Variants in CNBD1 observed in about 807,000 individuals in gnomAD.
The protein encoded by CNBD1 is cyclic nucleotide-binding domain-containing protein 1.
A neutral mutation model predicts 54.4 loss-of-function variants in CNBD1; 71 were observed. The ratio of observed to expected loss-of-function variants is 1.30; its 90% CI spans 1.08 to 1.59. CNBD1 has a LOEUF of 1.59. Among genes scored for constraint, CNBD1 ranks in the 40% most tolerant of loss-of-function variants. The pLI is 0.00. For synonymous variants in CNBD1, 182 were observed against 170.7 expected (o/e 1.07, Z -0.51); for missense variants, 659 against 518.0 (o/e 1.27, Z -2.64).
At chr8:87,365,878 C>A (rs943469455) in intron 10 of CNBD1, among the ~76,000 whole-genome samples, 2 of 151,980 alleles carry the variant, frequency 1.3e-5, no homozygotes, top group East Asian at 1.9e-4. Context: ...TAATGTCTCC[C>A]ACATTCTTTA....
chr8:87,381,570 A>C (rs1563579370), intron 10 of CNBD1, among the ~76,000 whole-genome samples: 2 of 152,088 alleles, frequency 1.3e-5, no homozygotes, highest in Non-Finnish European at 2.9e-5. Context: ...AGATATTAGC[A>C]GTACCATGTT....
intron 9 of CNBD1, among the ~76,000 whole-genome samples, chr8:87,352,605 A>G (rs181245502): frequency 6.6e-6 from 1 of 152,220 alleles, no homozygotes; most frequent in Non-Finnish European, 1.5e-5. Flanking sequence ...GCCACATAGC[A>G]GTAAAAATAA....
intron 1 of CNBD1, among the ~76,000 whole-genome samples, chr8:86,882,919 A>G (rs1808625670): frequency 6.6e-6 from 1 of 152,156 alleles, no homozygotes; most frequent in South Asian, 2.1e-4. Context: ...CAAACTCAGG[A>G]ACAGAACACC....
At chr8:87,002,544 A>G (rs1193152400) in intron 4 of CNBD1, among the ~76,000 whole-genome samples, 1 of 151,744 alleles carries the variant, frequency 6.6e-6, no homozygotes, top group Non-Finnish European at 1.5e-5. Context: ...CAAAAATGCA[A>G]AATGTACCAT....
chr8:87,100,521 G>A lies in CNBD1; in HGVS notation c.432-105472G>A, dbSNP rs142246228. ...GGAGACAGAGTCACACTCCATTGCC[G>A]GGGCTGGAGTGCAGTGGTGCAGTCT... On this transcript the variant is annotated intron_variant, in intron 4 of 10. Transcript: ENST00000518476. Among the ~76,000 whole-genome samples, 398 of 152,120 alleles carry A rather than the reference G, an allele frequency of 2.6e-3. 3 individuals are homozygous for A. The highest frequency in any genetic ancestry group is 9.1e-3 in the African/African-American group (378 of 41,498).
At chr8:87,362,538 A>G (rs1276163900) in intron 10 of CNBD1, among the ~76,000 whole-genome samples, 1 of 152,078 alleles carries the variant, frequency 6.6e-6, no homozygotes, top group Admixed American at 6.6e-5. Flanking sequence ...AATGCTTGAG[A>G]CAGATTTTTA....
intron 4 of CNBD1, among the ~76,000 whole-genome samples, chr8:87,101,256 G>C (rs578139955): frequency 7.9e-5 from 12 of 152,246 alleles, no homozygotes; most frequent in African/African-American, 2.9e-4. Flanking sequence ...TTTTTATCAG[G>C]TATTGTTAAC....
intron 2 of CNBD1, among the ~76,000 whole-genome samples, chr8:87,393,372 G>A (rs1037454599): frequency 1.3e-5 from 2 of 151,986 alleles, no homozygotes; most frequent in Non-Finnish European, 2.9e-5. Flanking sequence ...ATGTGACCAA[G>A]TCATCTTAAT....
chr8:87,233,519 C>T (rs965278696), intron 5 of CNBD1, among the ~76,000 whole-genome samples: 4 of 152,176 alleles, frequency 2.6e-5, no homozygotes, highest in Non-Finnish European at 5.9e-5. Context: ...CTAATGACTA[C>T]GTGAACCTTC....
At chr8:87,332,791 T>C (rs1233573537) in intron 8 of CNBD1, among the ~76,000 whole-genome samples, 1 of 152,210 alleles carries the variant, frequency 6.6e-6, no homozygotes, top group African/African-American at 2.4e-5. Flanking sequence ...ACTTGTGGCA[T>C]AGTTTGAAGT....
At position 87,119,051 on chromosome 8, in the gene CNBD1, A is replaced by G. The variant is rs184512590; in HGVS notation, c.432-86942A>G. 3.8e-3 allele frequency among the ~76,000 whole-genome samples: 577 copies of G among 152,288 alleles called. 6 individuals are homozygous for G. The highest frequency in any genetic ancestry group is 0.031 in the Middle Eastern group (9 of 294). Reference sequence around the variant, plus strand: ...ATTCAGCACCTACTGTATGCCAAGTACTGTCAAATGTATATGTGAGAACAC... The same window carrying G: ...ATTCAGCACCTACTGTATGCCAAGTGCTGTCAAATGTATATGTGAGAACAC... On this transcript the variant is annotated intron_variant, in intron 4 of 10. Transcript: ENST00000518476.
intron 4 of CNBD1, among the ~76,000 whole-genome samples, chr8:86,953,883 C>G (rs1807690875): frequency 6.6e-6 from 1 of 151,858 alleles, no homozygotes; most frequent in African/African-American, 2.4e-5. Flanking sequence ...ATAAAAAAAT[C>G]CTATGTAACT....
chr8:87,366,551 C>A (rs1477768375), intron 10 of CNBD1, among the ~76,000 whole-genome samples: 1 of 152,030 alleles, frequency 6.6e-6, no homozygotes, highest in Non-Finnish European at 1.5e-5. Flanking sequence ...AGATAACCTG[C>A]CTATTTTAAG....
At chr8:86,962,574 A>G (rs562985328) in intron 4 of CNBD1, among the ~76,000 whole-genome samples, 5 of 152,250 alleles carry the variant, frequency 3.3e-5, no homozygotes, top group African/African-American at 4.8e-5. Context: ...TCACGAGGTC[A>G]GGAGATCAAG....
At chr8:87,354,777 G>A (rs955836612) in intron 10 of CNBD1, among the ~76,000 whole-genome samples, 8 of 152,140 alleles carry the variant, frequency 5.3e-5, no homozygotes, top group African/African-American at 1.9e-4. Context: ...TGGTGTATAT[G>A]TGCCACATTT....
rs1812351808 is a variant in CNBD1, at chr8:87,140,574, G to T, written c.432-65419G>T. On this transcript the variant is annotated intron_variant, in intron 4 of 10. Transcript: ENST00000518476. ...AAAAAGATTGATTTATTATAATATT[G>T]TTATTTATTGAAGTCATGAGATGGC... 1.3e-5 allele frequency among the ~76,000 whole-genome samples: 2 copies of T among 152,074 alleles called. 1 individual carries two copies. Among genetic ancestry groups the T allele is most frequent in the Admixed American group, 1.3e-4 (2 of 15,252 alleles).
At chr8:87,323,595 T>C (rs1809592434) in intron 8 of CNBD1, among the ~76,000 whole-genome samples, 1 of 126,516 alleles carries the variant, frequency 7.9e-6, no homozygotes, top group South Asian at 2.4e-4. Flanking sequence ...ATGATTTGGC[T>C]CTCTGTTTGT....
intron 4 of CNBD1, among the ~76,000 whole-genome samples, chr8:87,200,812 A>G (rs1337586321): frequency 6.6e-6 from 1 of 152,150 alleles, no homozygotes; most frequent in African/African-American, 2.4e-5. Context: ...TTTCACTGGT[A>G]ATTTCTGCCA....
At chr8:87,216,375 T>C (rs767714975) in intron 5 of CNBD1, among the ~76,000 whole-genome samples, 2 of 152,198 alleles carry the variant, frequency 1.3e-5, no homozygotes, top group African/African-American at 2.4e-5. Flanking sequence ...TATGCCACCA[T>C]ACATTGAATA....
Sources: allele counts gnomAD v4.1 joint callset (sites outside exome capture counted in the v4.1 genomes callset), GRCh38; gene constraint gnomAD v4.1.1; transcripts MANE v1.5; gene names NCBI Gene and HGNC (gene_info 2026-07-23, HGNC 2026-07-21).